GPC3: variants seen among roughly 807,000 people sequenced by gnomAD.
GPC3 encodes glypican 3.
GPC3 carries 3 observed loss-of-function variants against 34.4 expected under a neutral mutation model. The ratio of observed to expected loss-of-function variants is 0.09; its 90% CI spans 0.04 to 0.23. GPC3 has a LOEUF of 0.23. GPC3 is among the 10% of genes least tolerant of loss of function. The pLI is 1.00. For synonymous variants in GPC3, 177 were observed against 174.0 expected (o/e 1.02, Z -0.13); for missense variants, 351 against 445.6 (o/e 0.79, Z 1.91).
rs1443469452 is a variant in GPC3 at position 133,535,843 on chromosome X, C to T, written c.*281G>A. The stretch of plus-strand genomic sequence containing the variant: ...GAGAGAAAGACATGGTAACCATGTT[C>T]TAGCAGCCAAACATAGGAGAATAAT... On this transcript the variant is annotated 3_prime_UTR_variant, in exon 8 of 8. Transcript: ENST00000370818. 3.0e-6 allele frequency: 1 copy of T among 336,196 alleles called. No homozygotes were observed. The highest frequency in any genetic ancestry group is 5.1e-5 in the Admixed American group (1 of 19,632). The allele number at this position is 336,196 out of a possible 1,213,427, so 27.7% of individuals were successfully genotyped here. A position where few individuals can be genotyped will look rare whatever the true frequency, so the allele number is the denominator to read the frequency against.
chrX:133,648,396 TC>T (rs2070565585), intron 6 of GPC3, among the ~76,000 whole-genome samples: 1 of 111,488 alleles, frequency 9.0e-6, no homozygotes, highest in Non-Finnish European at 1.9e-5. Flanking sequence ...GGATACCCCT[TC>T]CATTTTCCCA....
Position 133,850,194 on chromosome X carries a change from G to GTTTTTTTT in GPC3, c.338-96026_338-96019dup, listed in dbSNP as rs749809263. On this transcript the variant is annotated intron_variant, in intron 2 of 7. Transcript: ENST00000370818. ...TTTTTTTGTTTGTTTTTTGGGTTTT[G>GTTTTTTTT]TTTTTTTTTTTTTTTTTTTGGTAAA... Among the ~76,000 whole-genome samples, 114 of 67,932 alleles carry GTTTTTTTT rather than the reference G, an allele frequency of 1.7e-3. 2 individuals are homozygous for GTTTTTTTT. The highest frequency in any genetic ancestry group is 4.5e-3 in the African/African-American group (78 of 17,507). The allele number at this position is 67,932 out of a possible 115,157, so 59.0% of individuals were successfully genotyped here.
chrX:133,669,224 C>T (rs1439934848), intron 5 of GPC3, among the ~76,000 whole-genome samples: 1 of 112,248 alleles, frequency 8.9e-6, no homozygotes, highest in East Asian at 2.8e-4. Context: ...CACCACCATC[C>T]ATGCCACTAG....
chrX:133,919,617 T>G, intron 2 of GPC3, among the ~76,000 whole-genome samples: 1 of 109,517 alleles, frequency 9.1e-6, no homozygotes, highest in East Asian at 2.9e-4. Context: ...AGCCAAGGAG[T>G]TCGAGATCAG....
chrX:133,981,157 T>C (rs1377525604), intron 1 of GPC3, among the ~76,000 whole-genome samples: 1 of 112,462 alleles, frequency 8.9e-6, no homozygotes, highest in Non-Finnish European at 1.9e-5. Flanking sequence ...CTTCAGTTCT[T>C]TTCCCTTGCC....
rs746277813 is a variant in GPC3 at position 133,728,856 on chromosome X, AAAGTT to A, written c.1032+24621_1032+24625del. ...GCTTTTATAAAATTAACTACTCATA[AAAGTT>A]AAGTAGAAAAATATTGATGATGTTC... On this transcript the variant is annotated intron_variant, in intron 3 of 7. Coordinates refer to ENST00000370818, the MANE Select transcript of GPC3 (RefSeq NM_004484.4). Among the ~76,000 whole-genome samples, 4 of 112,518 alleles carry A rather than the reference AAAGTT, an allele frequency of 3.6e-5. No homozygotes were observed. In the East Asian group the frequency reaches 1.1e-3, roughly 31 times the overall value.
chrX:133,823,878 G>A (rs897762707), intron 2 of GPC3, among the ~76,000 whole-genome samples: 1 of 108,747 alleles, frequency 9.2e-6, no homozygotes, highest in Non-Finnish European at 1.9e-5. Context: ...ACAGCTACTC[G>A]GGAGGCTGAC....
At chrX:133,739,408 T>C (rs1332702861) in intron 3 of GPC3, among the ~76,000 whole-genome samples, 1 of 112,418 alleles carries the variant, frequency 8.9e-6, no homozygotes, top group Admixed American at 9.4e-5. Context: ...TTTATAGTGC[T>C]GCCACGTGGT....
At chrX:133,802,834 T>C (rs1468388793) in intron 2 of GPC3, among the ~76,000 whole-genome samples, 2 of 110,143 alleles carry the variant, frequency 1.8e-5, no homozygotes, top group African/African-American at 6.6e-5. Flanking sequence ...AATATCTGTC[T>C]ACATCAGCAG....
At chrX:133,609,840 A>G (rs1488846149) in intron 6 of GPC3, among the ~76,000 whole-genome samples, 1 of 112,304 alleles carries the variant, frequency 8.9e-6, no homozygotes, top group African/African-American at 3.2e-5. Context: ...ATTCACATCG[A>G]CCTTTCATCC....
At chrX:133,854,665 C>CA (rs1050203388) in intron 2 of GPC3, among the ~76,000 whole-genome samples, 9 of 111,000 alleles carry the variant, frequency 8.1e-5, no homozygotes, top group East Asian at 2.8e-4. Flanking sequence ...TGAGTTGTTC[C>CA]AAAAAAAAGT....
At chrX:133,894,479 T>C (rs1363005976) in intron 2 of GPC3, among the ~76,000 whole-genome samples, 1 of 111,747 alleles carries the variant, frequency 8.9e-6, no homozygotes, top group Non-Finnish European at 1.9e-5. Context: ...AACAGAATGG[T>C]TTAAGTTCTC....
chrX:133,684,739 A>T (rs981326732), intron 5 of GPC3, among the ~76,000 whole-genome samples: 6 of 111,514 alleles, frequency 5.4e-5, no homozygotes, highest in South Asian at 3.7e-4. Context: ...CAACAACAAC[A>T]AATAATAACT....
chrX:133,612,420 G>A (rs945229355), intron 6 of GPC3, among the ~76,000 whole-genome samples: 5 of 111,358 alleles, frequency 4.5e-5, no homozygotes, highest in African/African-American at 9.8e-5. Flanking sequence ...GCTATTTCTC[G>A]CACCCCTCTC....
At chrX:133,596,668 T>C (rs780914159) in intron 6 of GPC3, 69 bp from the exon 7 acceptor site, 13 of 1,011,152 alleles carry the variant, frequency 1.3e-5, no homozygotes, top group Admixed American at 6.7e-5. Context: ...AGTGTGTTAT[T>C]AACAGGAGGC....
intron 2 of GPC3, among the ~76,000 whole-genome samples, chrX:133,832,392 A>G (rs991837473): frequency 9.1e-6 from 1 of 109,490 alleles, no homozygotes; most frequent in African/African-American, 3.3e-5. Flanking sequence ...ATGAAACTAC[A>G]CTGTGCTCTA....
chrX:133,855,861 G>A (rs1373933593), intron 2 of GPC3, among the ~76,000 whole-genome samples: 1 of 110,522 alleles, frequency 9.0e-6, no homozygotes, highest in Non-Finnish European at 1.9e-5. Context: ...ATATAAATAC[G>A]ATCATAAAAT....
chrX:133,574,734 A>T (rs1008926756), intron 7 of GPC3, among the ~76,000 whole-genome samples: 4 of 112,457 alleles, frequency 3.6e-5, no homozygotes, highest in Middle Eastern at 4.2e-3. Flanking sequence ...AAAGTTCCAG[A>T]AGACCAAATG....
At chrX:133,614,469 G>GA (rs764520267) in intron 6 of GPC3, among the ~76,000 whole-genome samples, 149 of 95,643 alleles carry the variant, frequency 1.6e-3, no homozygotes, top group African/African-American at 1.8e-3. Flanking sequence ...AACACTGAAA[G>GA]AAAAAAAAAA....
Sources: allele counts gnomAD v4.1 joint callset (sites outside exome capture counted in the v4.1 genomes callset), GRCh38; gene constraint gnomAD v4.1.1; transcripts MANE v1.5; gene names NCBI Gene and HGNC (gene_info 2026-07-23, HGNC 2026-07-21).